Variants in PDE8B observed in about 807,000 individuals in gnomAD.
The protein encoded by PDE8B is phosphodiesterase 8B.
In PDE8B, 26 loss-of-function variants were observed where a neutral mutation model predicts 101.3. The ratio of observed to expected loss-of-function variants is 0.26; its 90% CI spans 0.19 to 0.36. The LOEUF (loss-of-function observed/expected upper bound fraction) is 0.36, where lower values mean the gene tolerates loss of function less well. PDE8B is among the 10% of genes least tolerant of loss of function. PDE8B has a pLI of 1.00. For synonymous variants in PDE8B, 424 were observed against 429.3 expected, an observed-to-expected ratio of 0.99 and a Z score of 0.15; for missense variants, 810 against 1,163.1, an observed-to-expected ratio of 0.70 and a Z score of 4.42.
At chr5:77,364,089 G>A (rs1783661626) in intron 10 of PDE8B, among the ~76,000 whole-genome samples, 1 of 152,192 alleles carries the variant, frequency 6.6e-6, no homozygotes, top group Non-Finnish European at 1.5e-5. Context: ...TCTGTACGGA[G>A]AATCCTGGGT....
At position 77,285,574 on chromosome 5, in the gene PDE8B, T is replaced by C. The variant is rs146594325; in HGVS notation, c.340-26420T>C. ...AGATTAATTACAATGTGCCTAAACA[T>C]AGTTTTCTTTGTATTTTTCCTGTCT... On this transcript the variant is annotated intron_variant, in intron 1 of 21. Transcript: ENST00000264917. Among the ~76,000 whole-genome samples, 13 of 152,132 alleles carry C rather than the reference T, an allele frequency of 8.5e-5. 1 individual carries two copies. The East Asian group carries it at 2.5e-3, about 30-fold the overall frequency.
At chr5:77,368,270 G>T (rs1170557352) in intron 10 of PDE8B, among the ~76,000 whole-genome samples, 1 of 152,090 alleles carries the variant, frequency 6.6e-6, no homozygotes, top group Non-Finnish European at 1.5e-5. Context: ...GATAACACTT[G>T]ACTCTTTTAT....
intron 10 of PDE8B, among the ~76,000 whole-genome samples, chr5:77,393,357 T>A (rs1028776878): frequency 6.6e-6 from 1 of 150,772 alleles, no homozygotes; most frequent in African/African-American, 2.4e-5. Flanking sequence ...TTGCACCCAC[T>A]GCTCTCCAGC....
At chr5:77,423,883 T>C (rs1475079524) in intron 20 of PDE8B, among the ~76,000 whole-genome samples, 1 of 151,984 alleles carries the variant, frequency 6.6e-6, no homozygotes, top group African/African-American at 2.4e-5. Context: ...GCAATCCGCC[T>C]GCCTTGGCCT....
At chr5:77,257,791 A>G (rs1382725807) in intron 1 of PDE8B, among the ~76,000 whole-genome samples, 1 of 152,098 alleles carries the variant, frequency 6.6e-6, no homozygotes, top group Non-Finnish European at 1.5e-5. Context: ...CCCGGCATGC[A>G]TTAGCTATTT....
At chr5:77,312,974 G>A (rs1054587739) in intron 2 of PDE8B, among the ~76,000 whole-genome samples, 2 of 152,134 alleles carry the variant, frequency 1.3e-5, no homozygotes, top group African/African-American at 2.4e-5. Context: ...CCAGGTTCCC[G>A]TGCCCCCTTA....
the PDE8B span, among the ~76,000 whole-genome samples, chr5:77,170,378 G>A: frequency 2.6e-5 from 4 of 152,148 alleles, no homozygotes; most frequent in South Asian, 4.1e-4. Flanking sequence ...AGCTGGACAC[G>A]TAATTAACCA....
the PDE8B span, among the ~76,000 whole-genome samples, chr5:77,175,585 T>C: frequency 6.6e-6 from 1 of 152,258 alleles, no homozygotes; most frequent in African/African-American, 2.4e-5. Context: ...TTTTATTATC[T>C]TCAGATCATG....
the PDE8B span, among the ~76,000 whole-genome samples, chr5:77,127,090 C>G: frequency 6.6e-6 from 1 of 152,152 alleles, no homozygotes; most frequent in Non-Finnish European, 1.5e-5. Flanking sequence ...ACTCACCCAC[C>G]CTAGTGCAAC....
At chr5:77,100,629 C>T in the PDE8B span, among the ~76,000 whole-genome samples, 3 of 152,138 alleles carry the variant, frequency 2.0e-5, no homozygotes, top group African/African-American at 7.2e-5. Context: ...GCCTTGTCTC[C>T]AGGGAGCACT....
the PDE8B span, among the ~76,000 whole-genome samples, chr5:77,136,203 A>C: frequency 6.6e-6 from 1 of 152,034 alleles, no homozygotes; most frequent in Admixed American, 6.5e-5. Context: ...CTTCTTATCT[A>C]AGGATGTTAT....
chr5:77,139,035 G>A, the PDE8B span, among the ~76,000 whole-genome samples: 1 of 152,148 alleles, frequency 6.6e-6, no homozygotes, highest in African/African-American at 2.4e-5. Flanking sequence ...GACTCCCACG[G>A]CCCCTCCTGG....
At chr5:77,293,565 A>C (rs985424910) in intron 1 of PDE8B, among the ~76,000 whole-genome samples, 1 of 152,244 alleles carries the variant, frequency 6.6e-6, no homozygotes, top group Non-Finnish European at 1.5e-5. Context: ...TTCTGGAGTC[A>C]GAGAGTCTCA....
chr5:77,247,311 C>T (rs1349178595), intron 1 of PDE8B, among the ~76,000 whole-genome samples: 4 of 152,192 alleles, frequency 2.6e-5, no homozygotes, highest in East Asian at 1.9e-4. Flanking sequence ...GGCTCCTGCC[C>T]TCTGTTCCGC....
chr5:77,388,187 C>T (rs775824453), intron 10 of PDE8B, among the ~76,000 whole-genome samples: 3 of 152,080 alleles, frequency 2.0e-5, no homozygotes, highest in Non-Finnish European at 2.9e-5. Context: ...AGCCTTTTTG[C>T]GCTGGTGTCT....
At chr5:77,246,131 C>T (rs1284349718) in intron 1 of PDE8B, among the ~76,000 whole-genome samples, 1 of 152,152 alleles carries the variant, frequency 6.6e-6, no homozygotes, top group East Asian at 1.9e-4. Context: ...GGACTACAGG[C>T]ATGAGCCATC....
At chr5:77,102,242 G>C in the PDE8B span, among the ~76,000 whole-genome samples, 2 of 152,024 alleles carry the variant, frequency 1.3e-5, no homozygotes, top group African/African-American at 4.8e-5. Flanking sequence ...TTGAAAATGG[G>C]GTCATTTGCA....
intron 1 of PDE8B, among the ~76,000 whole-genome samples, chr5:77,214,690 C>G (rs1025388971): frequency 6.6e-6 from 1 of 152,028 alleles, no homozygotes; most frequent in Admixed American, 6.6e-5. Flanking sequence ...AGGAGTAGAG[C>G]TATTTTGGAA....
intron 10 of PDE8B, among the ~76,000 whole-genome samples, chr5:77,372,536 G>A (rs1365100697): frequency 1.3e-5 from 2 of 152,312 alleles, no homozygotes; most frequent in East Asian, 3.9e-4. Flanking sequence ...ATTCACCTGT[G>A]AAGGTATCGT....
Sources: gnomAD v4.1 joint callset for allele counts (sites outside exome capture counted in the v4.1 genomes callset) on GRCh38, gnomAD v4.1.1 for gene constraint, MANE v1.5 for transcripts, NCBI Gene and HGNC (gene_info 2026-07-23, HGNC 2026-07-21) for gene names.